The following RBFOX1 variants were observed in gnomAD, a reference collection of about 807,000 sequenced individuals.
RBFOX1 encodes the protein RNA binding fox-1 homolog 1.
In RBFOX1, 8 loss-of-function variants were observed where a neutral mutation model predicts 57.7. The ratio of observed to expected loss-of-function variants is 0.14; its 90% CI spans 0.08 to 0.25. RBFOX1 has a LOEUF of 0.25. Ranked by LOEUF, RBFOX1 falls within the 10% of genes least tolerant of loss-of-function variation. The probability of loss-of-function intolerance (pLI) is 1.00; values close to 1 mark genes in which losing one functional copy is unlikely to be tolerated. For synonymous variants in RBFOX1, 326 were observed against 222.4 expected (o/e 1.47, Z -4.15); for missense variants, 611 against 548.5 (o/e 1.11, Z -1.14).
At chr16:6,091,403 T>A (rs1377751187) in intron 1 of RBFOX1, among the ~76,000 whole-genome samples, 3 of 152,254 alleles carry the variant, frequency 2.0e-5, no homozygotes, top group Admixed American at 1.3e-4. Context: ...TTATTTCTCT[T>A]TATAGAGGTC....
chr16:6,969,211 A>G (rs1176676762), intron 3 of RBFOX1, among the ~76,000 whole-genome samples: 1 of 152,060 alleles, frequency 6.6e-6, no homozygotes, highest in East Asian at 1.9e-4. Context: ...CCAGTCCTTC[A>G]CCTGTTATGT....
At chr16:5,346,633 A>T (rs904873079) in intron 1 of RBFOX1, among the ~76,000 whole-genome samples, 1 of 152,140 alleles carries the variant, frequency 6.6e-6, no homozygotes, top group Non-Finnish European at 1.5e-5. Flanking sequence ...CCTCCTGGGA[A>T]TTTTCAGTGC....
At chr16:5,770,911 C>G (rs147209051) in intron 3 of RBFOX1, among the ~76,000 whole-genome samples, 149 of 152,296 alleles carry the variant, frequency 9.8e-4, no homozygotes, top group African/African-American at 3.3e-3. Context: ...ACTGGGTAAG[C>G]AAGACAGGCA....
At chr16:5,992,248 A>G (rs2060413076) in intron 4 of RBFOX1, among the ~76,000 whole-genome samples, 1 of 152,218 alleles carries the variant, frequency 6.6e-6, no homozygotes, top group African/African-American at 2.4e-5. Context: ...AGTTCTTTAG[A>G]AGATTGTTTA....
At chr16:6,658,880 C>T (rs1266519859) in intron 3 of RBFOX1, among the ~76,000 whole-genome samples, 2 of 151,526 alleles carry the variant, frequency 1.3e-5, no homozygotes, top group East Asian at 1.9e-4. Flanking sequence ...AGTTTTTCAC[C>T]CTTTAATAGG....
intron 1 of RBFOX1, among the ~76,000 whole-genome samples, chr16:6,040,592 CTTATTTAT>C (rs113242373): frequency 6.6e-6 from 1 of 150,504 alleles, no homozygotes; most frequent in Non-Finnish European, 1.5e-5. Context: ...CTCTTTCTTT[CTTATTTAT>C]TTATTTATTT....
chr16:5,852,236 C>T (rs1376539997), intron 3 of RBFOX1, among the ~76,000 whole-genome samples: 1 of 152,188 alleles, frequency 6.6e-6, no homozygotes, highest in East Asian at 1.9e-4. Flanking sequence ...CATGCTGTCT[C>T]CTCTGCCTCA....
intron 5 of RBFOX1, among the ~76,000 whole-genome samples, chr16:7,564,540 C>CAAAAAAAAAAAAAAAAAAAAAAAAAAAA (rs5815409): frequency 1.2e-5 from 1 of 82,518 alleles, no homozygotes. Context: ...GACTCCATCT[C>CAAAAAAAAAAAAAAAAAAAAAAAAAAAA]AAAAAAAAAA....
At chr16:6,912,122 T>A (rs1310754909) in intron 3 of RBFOX1, among the ~76,000 whole-genome samples, 4 of 152,252 alleles carry the variant, frequency 2.6e-5, no homozygotes, top group Non-Finnish European at 5.9e-5. Context: ...TTACTAGTAT[T>A]TCAGAACTTT....
At chr16:6,426,508 G>T (rs538850535) in intron 2 of RBFOX1, among the ~76,000 whole-genome samples, 2 of 152,240 alleles carry the variant, frequency 1.3e-5, no homozygotes, top group Admixed American at 1.3e-4. Flanking sequence ...ATGCACACCT[G>T]TCGTCCCAGC....
chr16:6,973,216 G>T (rs900582571), intron 3 of RBFOX1, among the ~76,000 whole-genome samples: 2 of 152,044 alleles, frequency 1.3e-5, no homozygotes, highest in African/African-American at 2.4e-5. Flanking sequence ...GGGGTTGGAG[G>T]ATATCAGGGG....
At chr16:5,361,880 C>T (rs924420378) in intron 1 of RBFOX1, among the ~76,000 whole-genome samples, 1 of 152,196 alleles carries the variant, frequency 6.6e-6, no homozygotes, top group African/African-American at 2.4e-5. Context: ...GCCTGCTGCT[C>T]ACAGGCAGTG....
intron 4 of RBFOX1, among the ~76,000 whole-genome samples, chr16:7,417,308 G>A (rs542372556): frequency 1.3e-5 from 2 of 149,986 alleles, no homozygotes; most frequent in African/African-American, 4.9e-5. Context: ...GGGAGGTGGA[G>A]GTTGCAGTGA....
At chr16:6,815,251 C>G (rs772795816) in intron 3 of RBFOX1, among the ~76,000 whole-genome samples, 1 of 152,106 alleles carries the variant, frequency 6.6e-6, no homozygotes, top group East Asian at 1.9e-4. Flanking sequence ...TCATTGCCAT[C>G]TTGGTTTTGG....
intron 4 of RBFOX1, among the ~76,000 whole-genome samples, chr16:7,272,561 C>G (rs1016933778): frequency 1.3e-5 from 2 of 152,194 alleles, no homozygotes; most frequent in African/African-American, 4.8e-5. Context: ...TTATAGGCAA[C>G]TATCACTTGC....
intron 3 of RBFOX1, among the ~76,000 whole-genome samples, chr16:6,941,716 G>C (rs973764745): frequency 6.6e-6 from 1 of 152,176 alleles, no homozygotes; most frequent in East Asian, 1.9e-4. Flanking sequence ...TAGACAGAGA[G>C]AGATTGGATT....
intron 3 of RBFOX1, among the ~76,000 whole-genome samples, chr16:6,833,205 A>G (rs2092835750): frequency 6.6e-6 from 1 of 150,824 alleles, no homozygotes; most frequent in Non-Finnish European, 1.5e-5. Context: ...TTTTTCTGTC[A>G]CCCAGGGTGG....
intron 1 of RBFOX1, among the ~76,000 whole-genome samples, chr16:5,322,200 C>G (rs917260848): frequency 3.3e-5 from 5 of 152,176 alleles, no homozygotes; most frequent in Admixed American, 2.0e-4. Context: ...GTTCTGGGAG[C>G]TTCTGAGAGA....
At chr16:7,652,805 A>G (rs1207568323) in intron 11 of RBFOX1, among the ~76,000 whole-genome samples, 2 of 152,190 alleles carry the variant, frequency 1.3e-5, no homozygotes. Flanking sequence ...AGTTCAGCAG[A>G]CTTATCAGAT....
Sources: allele counts gnomAD v4.1 joint callset (sites outside exome capture counted in the v4.1 genomes callset), GRCh38; gene constraint gnomAD v4.1.1; transcripts MANE v1.5; gene names NCBI Gene and HGNC (gene_info 2026-07-23, HGNC 2026-07-21).